Variants in NES observed in about 807,000 individuals in gnomAD.
The protein encoded by NES is nestin.
NES carries 27 observed loss-of-function variants against 35.6 expected under a neutral mutation model. The observed-to-expected ratio is 0.76, with a 90% CI of 0.56 to 1.04. NES has a LOEUF of 1.04. Among genes scored for constraint, NES ranks in the 50% least tolerant of loss-of-function variants. The pLI is 0.00. For missense variants in NES, 1,867 were observed against 1,983.6 expected, an observed-to-expected ratio of 0.94 and a Z score of 1.12; for synonymous variants, 822 against 824.2, an observed-to-expected ratio of 1.00 and a Z score of 0.04.
Position 156,672,322 on chromosome 1 carries a change from T to C in NES, c.1866A>G (p.Thr622=). 6.2e-7 allele frequency: 1 copy of C among 1,611,226 alleles called. No individual in the cohort carries two copies. The highest frequency in any genetic ancestry group is 8.5e-7 in the Non-Finnish European group (1 of 1,179,362). ...CCTTTTGCAGGGATTGCAATGTCTG[T>C]GTGTCCTCTTTTCCTGTAGGCTTAA... ...GQLKPTGKED[T]QTLQSLQKEN... Residue 622 remains threonine (T), a synonymous_variant, in exon 4 of 4, where the codon ACA becomes ACG. Transcript: ENST00000368223.
chr1:156,672,339 T>C lies in NES; in HGVS notation c.1849A>G (p.Thr617Ala). 1.2e-6 allele frequency: 2 copies of C among 1,612,148 alleles called. No individual in the cohort carries two copies. The highest frequency in any genetic ancestry group is 1.7e-6 in the Non-Finnish European group (2 of 1,179,656). ...EKEAVGQLKP[T>A]GKEDTQTLQS... ...AATGTCTGTGTGTCCTCTTTTCCTG[T>C]AGGCTTAAGTTGGCCTACAGCCTCT... is the stretch of plus-strand genomic sequence containing the variant. Residue 617 changes from threonine (T) to alanine (A), a missense_variant, in exon 4 of 4, where the codon ACA (threonine) becomes GCA (alanine). Physicochemically the swap from Thr to Ala is moderately conservative, Grantham distance 58. Coordinates refer to ENST00000368223, the MANE Select transcript of NES (RefSeq NM_006617.2).
rs755961725 is a variant in NES, at chr1:156,671,693, G to A, written c.2495C>T (p.Ala832Val). The change falls in exon 4 of 4, where the codon GCG (alanine) becomes GTG (valine). Residue 832 changes from alanine (A) to valine (V), a missense_variant. Coordinates refer to ENST00000368223, the MANE Select transcript of NES (RefSeq NM_006617.2). ...CAGTGTTTCCAGGTTCTCTTGTCCC[G>A]CAGACTTCAGTGATTCTAGGATCTC... Reference protein sequence around the residue: ...ETEILESLKSAGQENLETLKS... With the variant: ...ETEILESLKSVGQENLETLKS... 1.9e-5 allele frequency: 31 copies of A among 1,613,482 alleles called. No homozygotes were observed. Among genetic ancestry groups the A allele is most frequent in the African/African-American group, 1.1e-4 (8 of 74,788 alleles).
rs1679721881 is a variant in NES at position 156,671,177 on chromosome 1, T to G, written c.3011A>C (p.Glu1004Ala). 1 of 1,613,986 alleles carries G rather than the reference T, an allele frequency of 6.2e-7. No individual in the cohort carries two copies. The highest frequency in any genetic ancestry group is 8.5e-7 in the Non-Finnish European group (1 of 1,180,032). ...VVEQGELNAT[E>A]EVWIPGEGHP... ...CCCCTCGCCTGGGATCCAGACCTCCTCTGTGGCATTCAGCTCTCCCTGCTC... is the reference window on the plus strand; with the variant it reads ...CCCCTCGCCTGGGATCCAGACCTCCGCTGTGGCATTCAGCTCTCCCTGCTC... The change falls in exon 4 of 4, where the codon GAG becomes GCG. Residue 1004 changes from glutamate to alanine, a missense_variant. By Grantham distance (107) the Glu-to-Ala change is moderately radical. Transcript: ENST00000368223.
rs1679685296 is a variant in NES, at chr1:156,670,254, T to TG, written c.3933dup (p.Arg1312GlnfsTer32). The TG allele has an allele frequency of 6.2e-7, 1 of 1,611,782 alleles. No individual in the cohort carries two copies. Among genetic ancestry groups the TG allele is most frequent in the Admixed American group, 1.7e-5 (1 of 59,740 alleles). On this transcript the variant is annotated frameshift_variant, in exon 4 of 4. Coordinates refer to ENST00000368223, the MANE Select transcript of NES (RefSeq NM_006617.2). LOFTEE classifies it low-confidence loss of function (END_TRUNC). ...CTCTGCTCTCCAGTGGGGTCCCACCTGGGGGAGGTGGGGGACCTGAGGTAG... is the reference window on the plus strand; with the variant it reads ...CTCTGCTCTCCAGTGGGGTCCCACCTGGGGGGAGGTGGGGGACCTGAGGTAG...
In NES at chr1:156,670,241, G is replaced by A. The variant is rs1157558739; in HGVS notation, c.3947C>T (p.Thr1316Ile). Residue 1316 changes from threonine to isoleucine, a missense_variant, in exon 4 of 4, where the codon ACT becomes ATT. Thr to Ile is a moderately conservative substitution (Grantham distance 89, BLOSUM62 -1). Coordinates refer to ENST00000368223, the MANE Select transcript of NES (RefSeq NM_006617.2). ...TTGAGGGGGTGGCCTCTGCTCTCCAGTGGGGTCCCACCTGGGGGAGGTGGG... is the reference window on the plus strand; with the variant it reads ...TTGAGGGGGTGGCCTCTGCTCTCCAATGGGGTCCCACCTGGGGGAGGTGGG... The part of the protein sequence containing the change: ...RSPTSPRWDP[T>I]GEQRPPPQGE... The A allele has an allele frequency of 1.2e-6, 2 of 1,613,364 alleles. No homozygotes were observed. Among genetic ancestry groups the A allele is most frequent in the South Asian group, 1.1e-5 (1 of 91,036 alleles).
Position 156,676,579 on chromosome 1 carries a change from T to C in NES, c.686A>G (p.Gln229Arg). The C allele has an allele frequency of 1.3e-6, 2 of 1,584,386 alleles. No homozygotes were observed. Among genetic ancestry groups the C allele is most frequent in the Non-Finnish European group, 1.7e-6 (2 of 1,173,038 alleles). ...CTCCAGGAGGCCTCCGCGCTCAGCC[T>C]GGAGCTGCTGCAGCTCCAGGCGGCC... ...REGRLELQQL[Q>R]AERGGLLERR... Residue 229 changes from glutamine (Q) to arginine (R), a missense_variant, in exon 1 of 4, where the codon CAG (glutamine) becomes CGG (arginine). Transcript: ENST00000368223. The surrounding 1 kb of genome is among the most constrained non-coding windows in gnomAD (Gnocchi z 5.3).
Position 156,672,926 on chromosome 1 carries a change from C to T in NES, c.1262G>A (p.Arg421Lys). ...CCGCAGGGGCTCTGGAGCCTGTTTC[C>T]TCCCACCCTGTGTCTGGAGCAGAGA... ...PLSLLQTQGG[R>K]KQAPEPLRAE... is the part of the protein sequence containing the mutation. Residue 421 changes from arginine to lysine, a missense_variant, in exon 4 of 4, where the codon AGG (arginine) becomes AAG (lysine). Physicochemically the swap from Arg to Lys is conservative, Grantham distance 26. Coordinates refer to ENST00000368223, the MANE Select transcript of NES (RefSeq NM_006617.2). 1 of 1,614,072 alleles carries T rather than the reference C, an allele frequency of 6.2e-7. No homozygotes were observed. The highest frequency in any genetic ancestry group is 8.5e-7 in the Non-Finnish European group (1 of 1,180,026).
Position 156,672,180 on chromosome 1 carries a change from G to A in NES, c.2008C>T (p.Leu670=). The A allele has an allele frequency of 3.1e-6, 5 of 1,611,214 alleles. No individual in the cohort carries two copies. The highest frequency in any genetic ancestry group is 3.4e-6 in the Non-Finnish European group (4 of 1,179,456). Residue 670 remains leucine (L), a synonymous_variant, in exon 4 of 4, where the codon CTG becomes TTG. Transcript: ENST00000368223. ...AGTGGCTCTTGATTCTCCTTTTCCA[G>A]AGCTGTCAATGACTCTAAGTTCTCT... ...LQENLESLTA[L]EKENQEPLRS...
chr1:156,676,849 G>T lies in NES; in HGVS notation c.416C>A (p.Ala139Asp). The change falls in exon 1 of 4, where the codon GCT becomes GAT. Residue 139 changes from alanine to aspartate, a missense_variant. Transcript: ENST00000368223. This position sits in a 1 kb window ranked among gnomAD's most constrained non-coding sequence, Gnocchi z 5.3. ...CTCCTCCTCGTGCGCCACGCGTAGA[G>T]CCTCTAGCTCGCGCTCCAGCTCTGC... The part of the protein sequence containing the change: ...QVAELERELE[A>D]LRVAHEEERV... 1 of 1,504,684 alleles carries T rather than the reference G, an allele frequency of 6.6e-7. No homozygotes were observed. Among genetic ancestry groups the T allele is most frequent in the South Asian group, 1.3e-5 (1 of 77,752 alleles). The allele number at this position is 1,504,684 out of a possible 1,614,324, so 93.2% of individuals were successfully genotyped here.
At chr1:156,673,306 C>CTGGCGCCCA (rs1333440422) in intron 3 of NES, 101 bp from the exon 4 acceptor site, 185 of 1,306,798 alleles carry the variant, frequency 1.4e-4, no homozygotes, top group Non-Finnish European at 1.8e-4. Context: ...GCGCCTGCCC[C>CTGGCGCCCA]TGGCGCCCAT....
In NES at chr1:156,671,474, G is replaced by A. The variant is rs772116906; in HGVS notation, c.2714C>T (p.Ser905Phe). 3.7e-6 allele frequency: 6 copies of A among 1,613,804 alleles called. No individual in the cohort carries two copies. The highest frequency in any genetic ancestry group is 1.7e-5 in the Admixed American group (1 of 59,996). Reference protein sequence around the residue: ...LGAWNLENLRSPEEVDKESQR... With the variant: ...LGAWNLENLRFPEEVDKESQR... ...ACTTTCCTTGTCTACCTCCTCTGGAGATCTCAAATTCTCCAGGTTCCATGC... is the reference window on the plus strand; with the variant it reads ...ACTTTCCTTGTCTACCTCCTCTGGAAATCTCAAATTCTCCAGGTTCCATGC... The change falls in exon 4 of 4, where the codon TCT becomes TTT. Residue 905 changes from serine to phenylalanine, a missense_variant. By Grantham distance (155) the Ser-to-Phe change is radical (BLOSUM62 -2). Transcript: ENST00000368223.
rs1679726000 is a variant in NES, at chr1:156,671,305, C to T, written c.2883G>A (p.Leu961=). ...WEDTVEKDQE[L]AQESPPGMAG... ...CCATCCCAGGAGGGCTTTCCTGAGC[C>T]AGTTCTTGGTCCTTCTCCACCGTAT... is the stretch of plus-strand genomic sequence containing the variant. Residue 961 remains leucine, a synonymous_variant, in exon 4 of 4, where the codon CTG becomes CTA. Transcript: ENST00000368223. 6.2e-7 allele frequency: 1 copy of T among 1,614,196 alleles called. No homozygotes were observed. The highest frequency in any genetic ancestry group is 8.5e-7 in the Non-Finnish European group (1 of 1,180,036).
At position 156,671,002 on chromosome 1, in the gene NES, C is replaced by A. The variant is rs144410918; in HGVS notation, c.3186G>T (p.Ala1062=). 1.5e-4 allele frequency: 235 copies of A among 1,611,416 alleles called. No individual in the cohort carries two copies. The African/African-American group carries it at 2.8e-3, about 19-fold the overall frequency. The change falls in exon 4 of 4, where the codon GCG becomes GCT. Residue 1062 remains alanine, a synonymous_variant. Coordinates refer to ENST00000368223, the MANE Select transcript of NES (RefSeq NM_006617.2). ...CATCATCTTCCACCAGGGGCTCTAT[C>A]GCCTCTGGCAGCCCCTGGGGAGCCT... ...GLQAPQGLPE[A]IEPLVEDDVA... is the part of the protein sequence containing the mutation.
Position 156,672,195 on chromosome 1 carries a change from C to G in NES, c.1993G>C (p.Glu665Gln), listed in dbSNP as rs757523632. Residue 665 changes from glutamate (E) to glutamine (Q), a missense_variant, in exon 4 of 4, where the codon GAG becomes CAG. Coordinates refer to ENST00000368223, the MANE Select transcript of NES (RefSeq NM_006617.2). ...ELVSSLQENL[E>Q]SLTALEKENQ... ...TCCTTTTCCAGAGCTGTCAATGACT[C>G]TAAGTTCTCTTGCAGAGAACTTACT... 8 of 1,609,034 alleles carry G rather than the reference C, an allele frequency of 5.0e-6. No individual in the cohort carries two copies. The highest frequency in any genetic ancestry group is 6.8e-6 in the Non-Finnish European group (8 of 1,178,848).
Position 156,677,155 on chromosome 1 carries a change from C to T in NES, c.110G>A (p.Ser37Asn), listed in dbSNP as rs1381183874. The change falls in exon 1 of 4, where the codon AGC becomes AAC. Residue 37 changes from serine to asparagine, a missense_variant. Transcript: ENST00000368223. The surrounding 1 kb of genome is among the most constrained non-coding windows in gnomAD (Gnocchi z 4.5). ...KALEEQNELL[S>N]AELGGLRAQS... is the part of the protein sequence containing the mutation. ...TGCCCGGAGCCCCCCGAGCTCCGCG[C>T]TGAGCAGCTCATTCTGCTCCTCCAG... 1 of 1,611,544 alleles carries T rather than the reference C, an allele frequency of 6.2e-7. No individual in the cohort carries two copies.
chr1:156,669,623 C>T lies in NES; in HGVS notation c.4565G>A (p.Gly1522Glu). Reference protein sequence around the residue: ...KVPGPLEIPSGMEDAGPGADI... With the variant: ...KVPGPLEIPSEMEDAGPGADI... ...TGCCCCTGGGCCTGCATCCTCCATC[C>T]CACTGGGGATCTCTAGAGGGCCAGG... Residue 1522 changes from glycine (G) to glutamate (E), a missense_variant, in exon 4 of 4, where the codon GGG becomes GAG. By Grantham distance (98) the Gly-to-Glu change is moderately conservative (BLOSUM62 -2). Transcript: ENST00000368223. The T allele has an allele frequency of 6.2e-7, 1 of 1,614,118 alleles. No homozygotes were observed. Among genetic ancestry groups the T allele is most frequent in the Non-Finnish European group, 8.5e-7 (1 of 1,179,998 alleles).
chr1:156,669,768 T>C lies in NES; in HGVS notation c.4420A>G (p.Arg1474Gly), dbSNP rs1421030041. The change falls in exon 4 of 4, where the codon AGG becomes GGG. Residue 1474 changes from arginine to glycine, a missense_variant. Arg to Gly is a moderately radical substitution (Grantham distance 125). Coordinates refer to ENST00000368223, the MANE Select transcript of NES (RefSeq NM_006617.2). ...TTGGGGGCACCAGCCACTGCACCCCTCAAGCTGTCATCCCAGGGGACACTG... is the reference window on the plus strand; with the variant it reads ...TTGGGGGCACCAGCCACTGCACCCCCCAAGCTGTCATCCCAGGGGACACTG... ...SVSVPWDDSL[R>G]GAVAGAPKTA... 1 of 1,613,950 alleles carries C rather than the reference T, an allele frequency of 6.2e-7. No individual in the cohort carries two copies.
rs753925660 is a variant in NES at position 156,672,392 on chromosome 1, T to A, written c.1796A>T (p.Asp599Val). Residue 599 changes from aspartate to valine, a missense_variant, in exon 4 of 4, where the codon GAT (aspartate) becomes GTT (valine). Transcript: ENST00000368223. ...TTCTAGAGGTCTCACTACCTCCACATCCTTTAATAGCTCTTTATTTTCCTT... is the reference window on the plus strand; with the variant it reads ...TTCTAGAGGTCTCACTACCTCCACAACCTTTAATAGCTCTTTATTTTCCTT... The part of the protein sequence containing the change: ...LEKENKELLK[D>V]VEVVRPLEKE... 1.2e-6 allele frequency: 2 copies of A among 1,613,168 alleles called. No individual in the cohort carries two copies. Among genetic ancestry groups the A allele is most frequent in the Non-Finnish European group, 1.7e-6 (2 of 1,179,846 alleles).
In NES at chr1:156,672,016, A is replaced by G. The variant is rs1410237970; in HGVS notation, c.2172T>C (p.Thr724=). Residue 724 remains threonine, a synonymous_variant, in exon 4 of 4, where the codon ACT becomes ACC. Coordinates refer to ENST00000368223, the MANE Select transcript of NES (RefSeq NM_006617.2). The part of the protein sequence containing the change: ...LEKENQEPLK[T]LEEEDQSIVR... ...CAATACTCTGGTCCTCTTCTTCTAG[A>G]GTCTTCAGTGGCTCCTGGTTCTCTT... The G allele has an allele frequency of 2.5e-6, 4 of 1,613,792 alleles. No homozygotes were observed. In the Admixed American group the frequency reaches 5.0e-5, roughly 20 times the overall value.
Sources: gnomAD v4.1 joint callset for allele counts on GRCh38, gnomAD v4.1.1 for gene constraint, Gnocchi (gnomAD v3.1) non-coding constraint, MANE v1.5 for transcripts, NCBI Gene and HGNC (gene_info 2026-07-23, HGNC 2026-07-21) for gene names.